Variants in VRK2 observed in about 807,000 individuals in gnomAD.
VRK2 encodes the protein VRK serine/threonine kinase 2.
Under a neutral mutation model 57.6 loss-of-function variants are expected in VRK2, and 60 were observed. The observed-to-expected ratio is 1.04, with a 90% CI of 0.85 to 1.29. The LOEUF (loss-of-function observed/expected upper bound fraction) is 1.29, where lower values mean the gene tolerates loss of function less well. VRK2 is among the 50% of genes most tolerant of loss of function. VRK2 has a pLI of 0.00. For missense variants in VRK2, 705 were observed against 588.1 expected (o/e 1.20, Z -2.06); for synonymous variants, 231 against 199.2 (o/e 1.16, Z -1.35).
At chr2:58,011,356 G>C (rs367558514) in intron 1 of VRK2, among the ~76,000 whole-genome samples, 11 of 152,092 alleles carry the variant, frequency 7.2e-5, no homozygotes, top group African/African-American at 2.7e-4. Context: ...TTCCTTTTTT[G>C]GGTTTCCACC....
intron 1 of VRK2, among the ~76,000 whole-genome samples, chr2:57,981,570 G>T (rs974838099): frequency 2.6e-5 from 4 of 152,228 alleles, no homozygotes; most frequent in East Asian, 1.9e-4. Context: ...TTTATGATTT[G>T]CATGCCAACC....
At chr2:58,119,322 A>G (rs1160228899) in intron 7 of VRK2, among the ~76,000 whole-genome samples, 1 of 143,572 alleles carries the variant, frequency 7.0e-6, no homozygotes, top group Non-Finnish European at 1.5e-5. Flanking sequence ...ACATGGTGAA[A>G]CCCCATCTCT....
chr2:58,059,315 C>G (rs7569731), intron 2 of VRK2, among the ~76,000 whole-genome samples: 9,912 of 152,016 alleles, frequency 0.065, 1,091 homozygotes, highest in African/African-American at 0.23. Context: ...ATACATTTGT[C>G]TAGTTTTATA....
At chr2:58,077,653 A>G (rs1214830124) in intron 2 of VRK2, among the ~76,000 whole-genome samples, 1 of 152,056 alleles carries the variant, frequency 6.6e-6, no homozygotes, top group South Asian at 2.1e-4. Context: ...ATTTTCTGGG[A>G]GACTTCTCAC....
intron 7 of VRK2, among the ~76,000 whole-genome samples, chr2:58,100,543 A>G (rs1388236089): frequency 2.0e-5 from 3 of 151,838 alleles, no homozygotes; most frequent in Non-Finnish European, 4.4e-5. Context: ...GTTCTGCTGT[A>G]TATTTTCAGA....
At position 58,137,166 on chromosome 2, in the gene VRK2, CATATATCAT is replaced by C. The variant is rs1271076972; in HGVS notation, c.856+1981_856+1989del. ...ATATATATCATGTGTTTATATATAT[CATATATCAT>C]ATATATCATATATGATACATATATA... is the stretch of plus-strand genomic sequence containing the variant. On this transcript the variant is annotated intron_variant, in intron 10 of 12. Coordinates refer to ENST00000340157, the MANE Select transcript of VRK2 (RefSeq NM_006296.7). Among the ~76,000 whole-genome samples, 4 of 7,302 alleles carry C rather than the reference CATATATCAT, an allele frequency of 5.5e-4. 2 individuals are homozygous for C. The highest frequency in any genetic ancestry group is 6.6e-4 in the African/African-American group (4 of 6,036). The allele number at this position is 7,302 out of a possible 152,430, so 4.8% of individuals were successfully genotyped here.
At chr2:57,979,596 T>C (rs1672359524) in intron 1 of VRK2, among the ~76,000 whole-genome samples, 1 of 152,012 alleles carries the variant, frequency 6.6e-6, no homozygotes. Flanking sequence ...TTTTTTGGAA[T>C]AATTTAACCC....
At chr2:58,140,535 A>AT (rs1681181786) in intron 11 of VRK2, among the ~76,000 whole-genome samples, 1 of 151,924 alleles carries the variant, frequency 6.6e-6, no homozygotes, top group South Asian at 2.1e-4. Context: ...TTTTTTCCTG[A>AT]TGCATGTACA....
At chr2:58,018,501 A>G (rs1203098403) in intron 1 of VRK2, among the ~76,000 whole-genome samples, 2 of 152,222 alleles carry the variant, frequency 1.3e-5, no homozygotes, top group Non-Finnish European at 2.9e-5. Context: ...CCTCAAATTT[A>G]TATTTCAAAA....
chr2:58,122,869 A>T (rs1413551477), intron 7 of VRK2, among the ~76,000 whole-genome samples: 1 of 152,198 alleles, frequency 6.6e-6, no homozygotes, highest in Non-Finnish European at 1.5e-5. Context: ...AAAAGATTAA[A>T]AATCTAAGTC....
chr2:58,140,301 T>C (rs1205168469), intron 11 of VRK2, among the ~76,000 whole-genome samples: 1 of 152,048 alleles, frequency 6.6e-6, no homozygotes, highest in Non-Finnish European at 1.5e-5. Flanking sequence ...GCCAGAGATC[T>C]AGGTTAAAAA....
At chr2:58,090,318 C>A (rs1007464683) in intron 7 of VRK2, among the ~76,000 whole-genome samples, 14 of 151,644 alleles carry the variant, frequency 9.2e-5, no homozygotes, top group Non-Finnish European at 1.6e-4. Context: ...ATTGCTTGAA[C>A]CCAGGAGGCG....
intron 1 of VRK2, among the ~76,000 whole-genome samples, chr2:57,974,738 A>G (rs565270213): frequency 1.3e-5 from 2 of 151,898 alleles, no homozygotes; most frequent in African/African-American, 4.8e-5. Context: ...ACTAGAAAAC[A>G]TACATCAAAG....
chr2:58,004,495 A>G (rs1164978958), intron 1 of VRK2, among the ~76,000 whole-genome samples: 1 of 152,214 alleles, frequency 6.6e-6, no homozygotes, highest in African/African-American at 2.4e-5. Context: ...AAATCTAGGC[A>G]TTATTCTGAA....
chr2:57,986,949 A>G (rs558959769), intron 1 of VRK2, among the ~76,000 whole-genome samples: 162 of 152,332 alleles, frequency 1.1e-3, no homozygotes, highest in Middle Eastern at 3.4e-3. Context: ...ACTAATTGTT[A>G]GATAAAGGAT....
chr2:58,055,497 G>A (rs1446960761), intron 2 of VRK2, among the ~76,000 whole-genome samples: 2 of 152,218 alleles, frequency 1.3e-5, no homozygotes, highest in African/African-American at 2.4e-5. Context: ...ACTACTTCGT[G>A]TAGGGAAGAG....
At chr2:58,148,747 C>T (rs1682541767) in intron 12 of VRK2, among the ~76,000 whole-genome samples, 1 of 151,492 alleles carries the variant, frequency 6.6e-6, no homozygotes, top group Non-Finnish European at 1.5e-5. Flanking sequence ...TAGTTTGCAC[C>T]ATCATTTATT....
intron 1 of VRK2, among the ~76,000 whole-genome samples, chr2:57,929,388 A>G (rs952510718): frequency 6.6e-6 from 1 of 152,088 alleles, no homozygotes; most frequent in Non-Finnish European, 1.5e-5. Context: ...TGTTCACTCA[A>G]GGCCCACGTG....
chr2:58,003,905 G>A (rs751909067), intron 1 of VRK2, among the ~76,000 whole-genome samples: 18 of 151,926 alleles, frequency 1.2e-4, no homozygotes, highest in Non-Finnish European at 2.5e-4. Context: ...GTTAAATCTT[G>A]TCACTGAGGC....
Sources: allele counts gnomAD v4.1 joint callset (sites outside exome capture counted in the v4.1 genomes callset), GRCh38; gene constraint gnomAD v4.1.1; transcripts MANE v1.5; gene names NCBI Gene and HGNC (gene_info 2026-07-23, HGNC 2026-07-21).